The following NBPF20 variants were observed in gnomAD, a reference collection of about 807,000 sequenced individuals.
The protein encoded by NBPF20 is NBPF family member NBPF20.
Under a neutral mutation model 68.1 loss-of-function variants are expected in NBPF20, and 90 were observed. The observed-to-expected ratio is 1.32, with a 90% CI of 1.11 to 1.58. The LOEUF (loss-of-function observed/expected upper bound fraction) is 1.58, where lower values mean the gene tolerates loss of function less well. Ranked by LOEUF, NBPF20 falls within the 40% of genes most tolerant of loss-of-function variation. The pLI, the probability that NBPF20 is intolerant of heterozygous loss-of-function variation, is 0.00. For missense variants in NBPF20, 816 were observed against 601.2 expected (o/e 1.36, Z -3.74); for synonymous variants, 290 against 228.1 (o/e 1.27, Z -2.45).
chr1:145,292,406 C>T (rs1553658175), exon 137 of NBPF20: 2 of 687,172 alleles, frequency 2.9e-6, no homozygotes, highest in Admixed American at 2.2e-5. Flanking sequence ...TTTTGATCTT[C>T]TTCCCCTTCT....
At chr1:145,410,689 AAT>A in the NBPF20 span, among the ~76,000 whole-genome samples, 32,173 of 111,888 alleles carry the variant, frequency 0.29, 5,440 homozygotes, top group East Asian at 0.58. Context: ...ATCAGACTGC[AAT>A]ATATATATAT....
intron 83 of NBPF20, among the ~76,000 whole-genome samples, 162 bp from the exon 89 acceptor site, chr1:145,334,793 C>A (rs1661555018): frequency 4.8e-5 from 6 of 125,202 alleles, no homozygotes; most frequent in Admixed American, 3.2e-4. Flanking sequence ...TAGACCAGGG[C>A]CAGGTAGAAA....
Position 145,397,636 on chromosome 1 carries a change from A to C in NBPF20, c.827+1413T>G, listed in dbSNP as rs1265896281. 3.9e-5 allele frequency among the ~76,000 whole-genome samples: 6 copies of C among 152,342 alleles called. No homozygotes were observed. In the East Asian group the frequency reaches 1.2e-3, roughly 29 times the overall value. On this transcript the variant is annotated intron_variant, in intron 7 of 137. Transcript: ENST00000369373. ...TACCAGCCACTACAAAAACATGCCA[A>C]ACTGTAAAGACCATTGACGCTAGGA...
exon 4 of NBPF20, chr1:145,402,339 G>C: frequency 6.2e-7 from 1 of 1,602,744 alleles, no homozygotes; most frequent in Non-Finnish European, 8.5e-7. Flanking sequence ...CCCTTAACTG[G>C]GTCAGCTCTC....
the NBPF20 span, among the ~76,000 whole-genome samples, chr1:145,410,905 TTGTGTG>T: frequency 3.3e-5 from 4 of 119,404 alleles, no homozygotes; most frequent in African/African-American, 8.1e-5. Context: ...ACACACACGT[TTGTGTG>T]TGTGTGTGTG....
At chr1:145,425,178 T>C in the NBPF20 span, among the ~76,000 whole-genome samples, 5 of 152,030 alleles carry the variant, frequency 3.3e-5, no homozygotes, top group Admixed American at 1.3e-4. Context: ...AAGTGAGGAA[T>C]CCAACGCATG....
At chr1:145,412,056 T>A in the NBPF20 span, among the ~76,000 whole-genome samples, 1 of 134,452 alleles carries the variant, frequency 7.4e-6, no homozygotes, top group Admixed American at 7.7e-5. Context: ...GAATTAAAGC[T>A]GATGGGAGTT....
At chr1:145,393,678 T>C (rs1553662866) in intron 9 of NBPF20, 33 of 1,391,658 alleles carry the variant, frequency 2.4e-5, no homozygotes, top group African/African-American at 1.3e-4. Context: ...TATGGTCAAC[T>C]TTCACTAGGT....
At chr1:145,418,991 GAA>G in the NBPF20 span, among the ~76,000 whole-genome samples, 100 of 137,970 alleles carry the variant, frequency 7.2e-4, no homozygotes, top group African/African-American at 2.7e-3. Flanking sequence ...AAAAAGGAAA[GAA>G]AAAGAGAGAG....
At position 145,291,645 on chromosome 1, in the gene NBPF20, A is replaced by T. The variant is rs782023126; in HGVS notation, c.16822T>A (p.Phe5608Ile). 5.6e-6 allele frequency: 9 copies of T among 1,611,952 alleles called. No individual in the cohort carries two copies. The South Asian group carries it at 7.7e-5, about 14-fold the overall frequency. Residue 5608 changes from phenylalanine to isoleucine, a missense_variant, in exon 138 of 138, where the codon TTT becomes ATT. Coordinates refer to ENST00000369373, the Ensembl canonical transcript of NBPF20. ...ATGTGCTGTTCCTCAAATGAGTAAA[A>T]CACACTTCTGTAGTGCTGGAATGAG...
intron 7 of NBPF20, among the ~76,000 whole-genome samples, chr1:145,397,968 A>C (rs1465020430): frequency 6.6e-6 from 1 of 152,216 alleles, no homozygotes; most frequent in African/African-American, 2.4e-5. Flanking sequence ...TAAACCAACC[A>C]AGATCAAAAG....
chr1:145,393,806 A>T (rs1439940974), intron 9 of NBPF20, 78 bp downstream of exon 14: 6 of 1,265,166 alleles, frequency 4.7e-6, no homozygotes, highest in African/African-American at 4.4e-5. Context: ...CATTATTTTC[A>T]GCATGTACTG....
the NBPF20 span, among the ~76,000 whole-genome samples, chr1:145,414,491 G>GA: frequency 1.6e-5 from 2 of 122,730 alleles, no homozygotes; most frequent in African/African-American, 6.3e-5. Flanking sequence ...TGAGCTCTAG[G>GA]AAAAAAACAC....
chr1:145,292,029 C>T (rs770302090), intron 137 of NBPF20, among the ~76,000 whole-genome samples: 60 of 149,684 alleles, frequency 4.0e-4, no homozygotes, highest in Non-Finnish European at 6.6e-4. Context: ...AGGTGACATA[C>T]TGGTAAGGGA....
chr1:145,408,007 C>A (rs1170720303), upstream of NBPF20: 1 of 179,300 alleles, frequency 5.6e-6, no homozygotes, highest in Non-Finnish European at 1.2e-5. Context: ...GAATTGACCA[C>A]GGATCTTCGT....
At chr1:145,393,794 A>T in intron 9 of NBPF20, 90 bp downstream of exon 14, 7 of 1,344,046 alleles carry the variant, frequency 5.2e-6, no homozygotes, top group Non-Finnish European at 7.4e-6. Flanking sequence ...ACAAGACAAA[A>T]TCATTATTTT....
intron 137 of NBPF20, 25 bp from the exon 143 acceptor site, chr1:145,291,794 A>C (rs1288921793): frequency 1.9e-6 from 3 of 1,611,946 alleles, no homozygotes; most frequent in Non-Finnish European, 2.5e-6. Context: ...AAAACTAAAG[A>C]AGCAGCCAGG....
At chr1:145,424,758 C>G in the NBPF20 span, among the ~76,000 whole-genome samples, 1 of 152,150 alleles carries the variant, frequency 6.6e-6, no homozygotes, top group Admixed American at 6.5e-5. Context: ...AGTGCAAACA[C>G]CAACCCCACA....
At chr1:145,403,694 G>A (rs1266206353) in intron 2 of NBPF20, among the ~76,000 whole-genome samples, 2 of 151,998 alleles carry the variant, frequency 1.3e-5, no homozygotes, top group Non-Finnish European at 2.9e-5. Flanking sequence ...TTGTACAGTC[G>A]GGAAGGCCCC....
Sources: gnomAD v4.1 joint callset for allele counts (sites outside exome capture counted in the v4.1 genomes callset) on GRCh38, gnomAD v4.1.1 for gene constraint, MANE v1.5 for transcripts, NCBI Gene and HGNC (gene_info 2026-07-23, HGNC 2026-07-21) for gene names.